The following TBL1XR1 variants were observed in gnomAD, a reference collection of about 807,000 sequenced individuals.
The protein encoded by TBL1XR1 is TBL1X/Y related 1, also known as F-box-like/WD repeat-containing protein TBL1XR1.
TBL1XR1 carries 5 observed loss-of-function variants against 66.9 expected under a neutral mutation model. The ratio of observed to expected loss-of-function variants is 0.07; its 90% CI spans 0.04 to 0.16. The LOEUF (loss-of-function observed/expected upper bound fraction) is 0.16. Among genes scored for constraint, TBL1XR1 ranks in the 10% least tolerant of loss-of-function variants. The pLI, the probability that TBL1XR1 is intolerant of heterozygous loss-of-function variation, is 1.00. For synonymous variants in TBL1XR1, 210 were observed against 206.0 expected (o/e 1.02, Z -0.17); for missense variants, 238 against 623.2 (o/e 0.38, Z 6.58).
intron 10 of TBL1XR1, among the ~76,000 whole-genome samples, chr3:177,040,794 G>C (rs1370969709): frequency 1.3e-5 from 2 of 152,106 alleles, no homozygotes; most frequent in African/African-American, 4.8e-5. Flanking sequence ...AAAATAATTA[G>C]TTTTGGGTAT....
rs1427266821 is a variant in TBL1XR1 at position 177,067,462 on chromosome 3, T to A, written c.-45-2440A>T. Among the ~76,000 whole-genome samples, 3 of 144,882 alleles carry A rather than the reference T, an allele frequency of 2.1e-5. No individual in the cohort carries two copies. In the East Asian group the frequency reaches 6.3e-4, roughly 30 times the overall value. ...TAGCAAAGGCCATCAATTTCCCAGC[T>A]GAAACTAGTAACAAGTGATGCTTCC... On this transcript the variant is annotated intron_variant, in intron 2 of 15. Coordinates refer to ENST00000457928, the MANE Select transcript of TBL1XR1 (RefSeq NM_024665.7).
intron 2 of TBL1XR1, among the ~76,000 whole-genome samples, chr3:177,074,170 A>G (rs936089115): frequency 6.6e-6 from 1 of 152,194 alleles, no homozygotes; most frequent in Non-Finnish European, 1.5e-5. Flanking sequence ...TACAGTTTCC[A>G]TACCCATCCC....
At chr3:177,096,638 A>G (rs982877911) in intron 2 of TBL1XR1, among the ~76,000 whole-genome samples, 8 of 152,224 alleles carry the variant, frequency 5.3e-5, no homozygotes, top group Admixed American at 3.9e-4. Flanking sequence ...TTCAAATGTG[A>G]ACTTCATTTG....
intron 2 of TBL1XR1, among the ~76,000 whole-genome samples, chr3:177,069,308 G>A (rs1000283521): frequency 6.6e-6 from 1 of 152,142 alleles, no homozygotes; most frequent in Admixed American, 6.5e-5. Flanking sequence ...ATCTCAGACA[G>A]ACATCTCCAG....
At chr3:177,118,556 GAAGA>G (rs1051900199) in intron 1 of TBL1XR1, among the ~76,000 whole-genome samples, 5 of 152,054 alleles carry the variant, frequency 3.3e-5, no homozygotes, top group Middle Eastern at 3.2e-3. Flanking sequence ...CAGACATTAG[GAAGA>G]CTTTAAAGAG....
intron 1 of TBL1XR1, among the ~76,000 whole-genome samples, chr3:177,132,606 G>A (rs890267177): frequency 1.3e-5 from 2 of 152,170 alleles, no homozygotes; most frequent in South Asian, 2.1e-4. Flanking sequence ...CGAATGATAC[G>A]ATAGTGGAAA....
intron 1 of TBL1XR1, among the ~76,000 whole-genome samples, chr3:177,104,465 A>G (rs528775070): frequency 6.6e-6 from 1 of 152,296 alleles, no homozygotes; most frequent in South Asian, 2.1e-4. Context: ...CTCATTTCCC[A>G]TGGAATTACA....
chr3:177,172,416 T>C (rs2108931143), intron 1 of TBL1XR1, among the ~76,000 whole-genome samples: 1 of 151,662 alleles, frequency 6.6e-6, no homozygotes, highest in South Asian at 2.1e-4. Flanking sequence ...ACCCAATTAA[T>C]GCATGTAAAA....
At chr3:177,085,113 A>C (rs1466213365) in intron 2 of TBL1XR1, among the ~76,000 whole-genome samples, 1 of 152,228 alleles carries the variant, frequency 6.6e-6, no homozygotes, top group Non-Finnish European at 1.5e-5. Context: ...GAAAAGCATA[A>C]GAATAAATCC....
rs113228443 is a variant in TBL1XR1 at position 177,095,329 on chromosome 3, AC to A, written c.-46+3136del. Among the ~76,000 whole-genome samples the A allele has an allele frequency of 3.9e-4, 60 of 152,232 alleles. 2 individuals are homozygous for A. The highest frequency in any genetic ancestry group is 1.4e-3 in the African/African-American group (60 of 41,526). ...ACACCACTGCACTTCAGCCTGGGCA[AC>A]AGGGTAGATTGTCTCAAAAAATAAT... On this transcript the variant is annotated intron_variant, in intron 2 of 15. Transcript: ENST00000457928.
intron 1 of TBL1XR1, among the ~76,000 whole-genome samples, chr3:177,164,996 T>C (rs1413705737): frequency 6.6e-6 from 1 of 152,198 alleles, no homozygotes; most frequent in Non-Finnish European, 1.5e-5. Flanking sequence ...TGTATGATAG[T>C]ACTACATTTT....
At chr3:177,164,073 T>C (rs1392685215) in intron 1 of TBL1XR1, 7 of 152,222 alleles carry the variant, frequency 4.6e-5, no homozygotes, top group Non-Finnish European at 7.3e-5. Flanking sequence ...GCCCAGCAGA[T>C]TATACGCCCT....
At chr3:177,128,112 G>A (rs371936192) in intron 1 of TBL1XR1, among the ~76,000 whole-genome samples, 13 of 152,016 alleles carry the variant, frequency 8.6e-5, no homozygotes, top group Non-Finnish European at 1.3e-4. Flanking sequence ...CTGGCTACTC[G>A]GGAGGCTGAG....
chr3:177,028,990 C>A (rs927578324), intron 14 of TBL1XR1, among the ~76,000 whole-genome samples: 1 of 151,812 alleles, frequency 6.6e-6, no homozygotes, highest in African/African-American at 2.4e-5. Flanking sequence ...AATATCTATA[C>A]CTCACACCAT....
intron 1 of TBL1XR1, among the ~76,000 whole-genome samples, chr3:177,161,997 A>T (rs1185198254): frequency 2.6e-5 from 4 of 152,182 alleles, no homozygotes; most frequent in Non-Finnish European, 5.9e-5. Flanking sequence ...GAACTTACAA[A>T]CACTGCTAGT....
intron 1 of TBL1XR1, among the ~76,000 whole-genome samples, chr3:177,180,483 C>T (rs979031714): frequency 1.0e-4 from 15 of 149,512 alleles, no homozygotes; most frequent in Admixed American, 8.1e-4. Context: ...AATCTGCTGA[C>T]GACTTTTTTA....
chr3:177,088,538 G>A (rs1314063049), intron 2 of TBL1XR1, among the ~76,000 whole-genome samples: 4 of 152,124 alleles, frequency 2.6e-5, no homozygotes, highest in Non-Finnish European at 5.9e-5. Context: ...CTCAACCTGT[G>A]TAAAGATTAA....
At chr3:177,194,265 AT>A (rs1356360147) in intron 1 of TBL1XR1, 7 of 152,246 alleles carry the variant, frequency 4.6e-5, no homozygotes, top group Admixed American at 1.3e-4. Flanking sequence ...ATGTCTGAGC[AT>A]AAAGTATAAA....
intron 1 of TBL1XR1, among the ~76,000 whole-genome samples, chr3:177,179,933 CA>C (rs1347207971): frequency 1.2e-4 from 18 of 152,094 alleles, no homozygotes; most frequent in Non-Finnish European, 2.6e-4. Context: ...AGAGAAGCAA[CA>C]AATTAAAAAA....
Sources: gnomAD v4.1 joint callset for allele counts (sites outside exome capture counted in the v4.1 genomes callset) on GRCh38, gnomAD v4.1.1 for gene constraint, MANE v1.5 for transcripts, NCBI Gene and HGNC (gene_info 2026-07-23, HGNC 2026-07-21) for gene names.